ANO7: variants seen among roughly 807,000 people sequenced by gnomAD.
The protein encoded by ANO7 is anoctamin-7.
In ANO7, 114 loss-of-function variants were observed where a neutral mutation model predicts 115.8. The ratio of observed to expected loss-of-function variants is 0.98; its 90% CI spans 0.85 to 1.15. The LOEUF (loss-of-function observed/expected upper bound fraction) is 1.15. Among genes scored for constraint, ANO7 ranks in the 50% most tolerant of loss-of-function variants. ANO7 has a pLI of 0.00. For missense variants in ANO7, 1,302 were observed against 1,201.2 expected, an observed-to-expected ratio of 1.08 and a Z score of -1.24; for synonymous variants, 550 against 498.2, an observed-to-expected ratio of 1.10 and a Z score of -1.38.
At chr2:241,199,220 A>G (rs2068411622) in intron 4 of ANO7, 96 bp from the exon 5 acceptor site, 2 of 1,060,132 alleles carry the variant, frequency 1.9e-6, no homozygotes, top group East Asian at 2.4e-5. Flanking sequence ...GGCTACAGAA[A>G]TGCCAGTCTT....
chr2:241,223,814 C>G lies in ANO7; in HGVS notation c.2532+33C>G, dbSNP rs2305070. 40,885 of 1,614,152 alleles carry G rather than the reference C, an allele frequency of 0.025. 4,595 individuals are homozygous for G. In the Admixed American group the frequency reaches 0.31, roughly 12 times the overall value. Reference sequence around the variant, plus strand: ...GTACAGCCCAGTCTCGGCCCTCCCCCCAGCCCTCTCCCTATCCTTGTCAGT... The same window carrying G: ...GTACAGCCCAGTCTCGGCCCTCCCCGCAGCCCTCTCCCTATCCTTGTCAGT... On this transcript the variant is annotated intron_variant, in intron 23 of 24. Transcript: ENST00000674324.
rs1377358466 is a variant in ANO7, at chr2:241,214,888, G to A, written c.1812G>A (p.Gln604=). 1.9e-6 allele frequency: 3 copies of A among 1,612,582 alleles called. No individual in the cohort carries two copies. Among genetic ancestry groups the A allele is most frequent in the Non-Finnish European group, 2.5e-6 (3 of 1,179,918 alleles). Residue 604 remains glutamine, a synonymous_variant, in exon 18 of 25, where the codon CAG becomes CAA. Coordinates refer to ENST00000674324, the MANE Select transcript of ANO7 (RefSeq NM_001370694.2). ...GCAAGCAGGTCATCAACAACATGCA[G>A]GAGGTCCTCATCCCGTGAGTCCCCC... The part of the protein sequence containing the change: ...MVGKQVINNM[Q]EVLIPKLKGW...
chr2:241,230,244 C>T (rs776876774), downstream of ANO7: 1 of 1,605,168 alleles, frequency 6.2e-7, no homozygotes, highest in South Asian at 1.1e-5. The surrounding 1 kb of genome is among the most constrained non-coding windows in gnomAD (Gnocchi z 5.0). Flanking sequence ...GTCTGGGGCT[C>T]CGCTCTGTGG....
intron 11 of ANO7, among the ~76,000 whole-genome samples, chr2:241,208,932 A>G (rs28373441): frequency 0.11 from 17,064 of 151,700 alleles, 1,647 homozygotes; most frequent in African/African-American, 0.24. Context: ...GGTGGATCAC[A>G]AGGTCAGAAG....
In ANO7 at chr2:241,216,112, C is replaced by T. The variant is rs764415805; in HGVS notation, c.1846C>T (p.Gln616Ter). The change falls in exon 19 of 25, where the codon CAG (glutamine) becomes TAG (stop). Residue 616 changes from glutamine to a stop codon, truncating the protein, a stop_gained. Transcript: ENST00000674324. LOFTEE classifies it high-confidence loss of function. The stretch of plus-strand genomic sequence containing the variant: ...CCCCAGGAAGCTAAAGGGCTGGTGG[C>T]AGAAGTTCCGGCTTCGCTCCAAGAA... ...VLIPKLKGWW[Q>*]KFRLRSKKRK... 6.2e-7 allele frequency: 1 copy of T among 1,610,654 alleles called. No individual in the cohort carries two copies. The highest frequency in any genetic ancestry group is 1.1e-5 in the South Asian group (1 of 90,652).
rs763945681 is a variant in ANO7, at chr2:241,195,819, C to T, written c.283C>T (p.Arg95Cys). ...GCGGGAGACTTTTCTGGATAATCTT[C>T]GTGCGGCTGGGCTGTGTGTAGACCA... ...TWRETFLDNL[R>C]AAGLCVDQQD... Residue 95 changes from arginine (R) to cysteine (C), a missense_variant, in exon 4 of 25, where the codon CGT (arginine) becomes TGT (cysteine). Transcript: ENST00000674324. 3.0e-5 allele frequency: 49 copies of T among 1,614,100 alleles called. No individual in the cohort carries two copies. The highest frequency in any genetic ancestry group is 3.7e-5 in the Non-Finnish European group (44 of 1,180,030).
downstream of ANO7, among the ~76,000 whole-genome samples, chr2:241,226,570 G>A (rs1574809386): frequency 2.0e-5 from 3 of 152,022 alleles, no homozygotes; most frequent in East Asian, 1.9e-4. Flanking sequence ...GACTACAGGC[G>A]CCCGCCACCA....
chr2:241,212,863 T>G (rs1429886231), intron 17 of ANO7: 2 of 514,516 alleles, frequency 3.9e-6, no homozygotes, highest in East Asian at 7.0e-5. Flanking sequence ...CCGGGCACAG[T>G]GGCTCACGCC....
intron 4 of ANO7, among the ~76,000 whole-genome samples, chr2:241,197,307 C>A (rs2068364313): frequency 6.6e-6 from 1 of 152,138 alleles, no homozygotes. Context: ...ACCGTATTGC[C>A]CAGGCTGGTC....
downstream of ANO7, chr2:241,230,128 G>T: frequency 6.3e-7 from 1 of 1,598,430 alleles, no homozygotes; most frequent in Non-Finnish European, 8.6e-7. This position sits in a 1 kb window ranked among gnomAD's most constrained non-coding sequence, Gnocchi z 5.0. Context: ...GGCGCCTCAG[G>T]GCTCCAAGGC....
At chr2:241,208,658 G>A (rs2068642041) in intron 11 of ANO7, among the ~76,000 whole-genome samples, 1 of 152,098 alleles carries the variant, frequency 6.6e-6, no homozygotes. Context: ...TCCATCCCAC[G>A]TGCAAAATAC....
At chr2:241,194,853 C>T (rs557245218) in intron 3 of ANO7, among the ~76,000 whole-genome samples, 122 of 152,276 alleles carry the variant, frequency 8.0e-4, no homozygotes, top group Middle Eastern at 3.4e-3. Flanking sequence ...TTCAGGCATC[C>T]ACCGGGTTCT....
chr2:241,212,699 C>T, intron 17 of ANO7, 73 bp downstream of exon 17: 5 of 1,486,118 alleles, frequency 3.4e-6, no homozygotes, highest in Non-Finnish European at 4.6e-6. Context: ...TCCATTCGAG[C>T]TTTGATTTGC....
At chr2:241,208,253 G>A (rs2068635222) in intron 11 of ANO7, among the ~76,000 whole-genome samples, 1 of 152,238 alleles carries the variant, frequency 6.6e-6, no homozygotes, top group South Asian at 2.1e-4. Flanking sequence ...CACAAATGGG[G>A]ACTTAAAACA....
rs758746926 is a variant in ANO7, at chr2:241,217,908, AGCGCGGGGCGGGGCGGGG to A, written c.2178+23_2178+40del. On this transcript the variant is annotated intron_variant, in intron 20 of 24. Transcript: ENST00000674324. ...ATCAGCAACGTGAGGCCCGGGCGGG[AGCGCGGGGCGGGGCGGGG>A]GCGCGCAGGGGCGGGGGCGGGGGGG... 2.7e-5 allele frequency: 36 copies of A among 1,322,900 alleles called. No homozygotes were observed. Among genetic ancestry groups the A allele is most frequent in the African/African-American group, 1.1e-4 (6 of 54,788 alleles). 81.9% of individuals were successfully genotyped at this position (1,322,900 alleles called of 1,614,324 possible).
intron 3 of ANO7, among the ~76,000 whole-genome samples, chr2:241,194,937 A>T (rs919438876): frequency 5.3e-5 from 8 of 152,154 alleles, no homozygotes; most frequent in African/African-American, 1.9e-4. Flanking sequence ...TCTCTGCTGG[A>T]TGACCAGCGT....
the ANO7 span, chr2:241,239,888 G>T: frequency 6.2e-7 from 1 of 1,613,374 alleles, no homozygotes; most frequent in South Asian, 1.1e-5. The surrounding 1 kb of genome is among the most constrained non-coding windows in gnomAD (Gnocchi z 4.6). Context: ...GGCCGCCGAG[G>T]CCCGCTCCCT....
intron 17 of ANO7, 132 bp downstream of exon 17, chr2:241,212,758 C>A (rs1574786322): frequency 2.0e-6 from 2 of 1,024,704 alleles, no homozygotes; most frequent in African/African-American, 1.6e-5. Context: ...CCAGGGCCAG[C>A]TGTGCAGCTG....
chr2:241,233,774 T>G, the ANO7 span: 1 of 1,610,762 alleles, frequency 6.2e-7, no homozygotes, highest in African/African-American at 1.3e-5. The surrounding 1 kb of genome is among the most constrained non-coding windows in gnomAD (Gnocchi z 4.3). Context: ...ACAGGAAAGG[T>G]CAACAAGCAC....
Sources: gnomAD v4.1 joint callset for allele counts (sites outside exome capture counted in the v4.1 genomes callset) on GRCh38, gnomAD v4.1.1 for gene constraint, Gnocchi (gnomAD v3.1) non-coding constraint, MANE v1.5 for transcripts, NCBI Gene and HGNC (gene_info 2026-07-23, HGNC 2026-07-21) for gene names.